The following ADAMTS17 variants were observed in gnomAD, a reference collection of about 807,000 sequenced individuals.
The protein encoded by ADAMTS17 is ADAM metallopeptidase with thrombospondin type 1 motif 17.
In ADAMTS17, 113 loss-of-function variants were observed where a neutral mutation model predicts 141.5. That is an observed-to-expected ratio of 0.80 (90% CI 0.69 to 0.93). ADAMTS17 has a LOEUF of 0.93. ADAMTS17 is among the 40% of genes least tolerant of loss of function. ADAMTS17 has a pLI of 0.00. For synonymous variants in ADAMTS17, 768 were observed against 630.6 expected (o/e 1.22, Z -3.27); for missense variants, 1,659 against 1,517.9 (o/e 1.09, Z -1.54).
intron 2 of ADAMTS17, among the ~76,000 whole-genome samples, chr15:100,334,523 T>G (rs2046149739): frequency 6.6e-6 from 1 of 152,164 alleles, no homozygotes; most frequent in Non-Finnish European, 1.5e-5. Flanking sequence ...ACCCTGTAAC[T>G]GCAGATCCTC....
chr15:100,022,619 T>G (rs1332729808), intron 18 of ADAMTS17, among the ~76,000 whole-genome samples: 1 of 152,124 alleles, frequency 6.6e-6, no homozygotes, highest in East Asian at 1.9e-4. Context: ...AACGGAGACC[T>G]TTAGCCACCC....
At chr15:100,262,639 C>T (rs1259140077) in intron 4 of ADAMTS17, among the ~76,000 whole-genome samples, 2 of 151,968 alleles carry the variant, frequency 1.3e-5, no homozygotes, top group African/African-American at 4.8e-5. Flanking sequence ...ATGAGAGGCT[C>T]ATGATGGGGA....
intron 15 of ADAMTS17, among the ~76,000 whole-genome samples, chr15:100,059,310 C>A (rs1188277735): frequency 6.6e-6 from 1 of 152,240 alleles, no homozygotes; most frequent in African/African-American, 2.4e-5. Flanking sequence ...CAAGTTCTGG[C>A]GCACTGCAAA....
chr15:100,095,592 G>A (rs1426037408), intron 15 of ADAMTS17, among the ~76,000 whole-genome samples: 1 of 152,150 alleles, frequency 6.6e-6, no homozygotes, highest in Non-Finnish European at 1.5e-5. Context: ...CTGGTGATGG[G>A]GGGTGAGTGC....
At chr15:100,160,714 G>A (rs1012431366) in intron 8 of ADAMTS17, among the ~76,000 whole-genome samples, 1 of 152,184 alleles carries the variant, frequency 6.6e-6, no homozygotes, top group Non-Finnish European at 1.5e-5. Context: ...CCCAAGGAAT[G>A]TTCCAGTCAG....
intron 8 of ADAMTS17, among the ~76,000 whole-genome samples, chr15:100,184,322 A>G (rs1279349627): frequency 3.3e-5 from 5 of 152,182 alleles, no homozygotes; most frequent in Non-Finnish European, 5.9e-5. Flanking sequence ...AGGTGCCCCA[A>G]TCGGTGTATG....
intron 15 of ADAMTS17, among the ~76,000 whole-genome samples, chr15:100,067,987 G>T (rs2033670581): frequency 6.6e-6 from 1 of 152,178 alleles, no homozygotes; most frequent in African/African-American, 2.4e-5. Flanking sequence ...AGGGGTCAGG[G>T]AATTCCCTTT....
chr15:100,155,069 A>G, intron 9 of ADAMTS17, 111 bp downstream of exon 9: 1 of 1,546,592 alleles, frequency 6.5e-7, no homozygotes. Context: ...CTAGATGCAA[A>G]TCCCAAAAGA....
chr15:100,184,735 C>T (rs1261674297), intron 8 of ADAMTS17, among the ~76,000 whole-genome samples: 3 of 152,178 alleles, frequency 2.0e-5, no homozygotes, highest in Non-Finnish European at 2.9e-5. Context: ...CTGTCACCAC[C>T]TTCCCTCCGT....
intron 3 of ADAMTS17, among the ~76,000 whole-genome samples, chr15:100,321,807 T>C (rs1179911314): frequency 1.3e-5 from 2 of 152,242 alleles, no homozygotes; most frequent in Non-Finnish European, 2.9e-5. Context: ...ATAATGAGAC[T>C]ATAAATGATT....
rs201684054 is a variant in ADAMTS17, at chr15:100,010,257, A to T, written c.2592-12668T>A. On this transcript the variant is annotated intron_variant, in intron 18 of 21. Coordinates refer to ENST00000268070, the MANE Select transcript of ADAMTS17 (RefSeq NM_139057.4). ...GTCTTTATTAGCAGCATGAGAACAG[A>T]CTAATACAGGGTTCCTCACCCATAA... 1.3e-4 allele frequency among the ~76,000 whole-genome samples: 20 copies of T among 152,328 alleles called. No individual in the cohort carries two copies. The East Asian group carries it at 3.5e-3, about 26-fold the overall frequency.
chr15:100,113,783 T>C (rs961196334), intron 13 of ADAMTS17, among the ~76,000 whole-genome samples: 1 of 152,232 alleles, frequency 6.6e-6, no homozygotes, highest in Admixed American at 6.5e-5. Context: ...CAGAGAGTCC[T>C]AACCATCACG....
chr15:100,225,335 C>T (rs1046425016), intron 7 of ADAMTS17, among the ~76,000 whole-genome samples: 3 of 152,262 alleles, frequency 2.0e-5, no homozygotes, highest in Non-Finnish European at 2.9e-5. Flanking sequence ...AGTGCCAGCA[C>T]ATGGCTCAAA....
chr15:100,016,925 C>A (rs546060274), intron 18 of ADAMTS17, among the ~76,000 whole-genome samples: 1 of 152,246 alleles, frequency 6.6e-6, no homozygotes, highest in South Asian at 2.1e-4. Flanking sequence ...GCCCTAGAAC[C>A]CTCAAGATTA....
chr15:100,211,509 A>G (rs1197305407), intron 7 of ADAMTS17, among the ~76,000 whole-genome samples: 1 of 152,156 alleles, frequency 6.6e-6, no homozygotes, highest in African/African-American at 2.4e-5. Flanking sequence ...CAAGAATGGA[A>G]ACAACTTCGA....
intron 20 of ADAMTS17, among the ~76,000 whole-genome samples, chr15:99,977,366 A>T (rs1213486728): frequency 0.049 from 453 of 9,254 alleles, 45 homozygotes; most frequent in Non-Finnish European, 0.071. Context: ...ATATATATAT[A>T]TATATATATA....
intron 3 of ADAMTS17, among the ~76,000 whole-genome samples, chr15:100,300,814 T>C (rs2028592): frequency 0.11 from 17,078 of 152,248 alleles, 1,309 homozygotes; most frequent in East Asian, 0.31. Context: ...TGGAAAGTTA[T>C]TATCCCCAGC....
intron 4 of ADAMTS17, among the ~76,000 whole-genome samples, chr15:100,278,100 A>C (rs2044158945): frequency 6.6e-6 from 1 of 152,178 alleles, no homozygotes; most frequent in South Asian, 2.1e-4. Context: ...CATCAGATTC[A>C]CACAGATAGA....
At chr15:100,223,735 CAT>C (rs1274867718) in intron 7 of ADAMTS17, among the ~76,000 whole-genome samples, 1 of 144,206 alleles carries the variant, frequency 6.9e-6, no homozygotes, top group Non-Finnish European at 1.5e-5. Flanking sequence ...TATATATACA[CAT>C]GTATGTGTAT....
Sources: allele counts gnomAD v4.1 joint callset (sites outside exome capture counted in the v4.1 genomes callset), GRCh38; gene constraint gnomAD v4.1.1; transcripts MANE v1.5; gene names NCBI Gene and HGNC (gene_info 2026-07-23, HGNC 2026-07-21).